Variants in MAN2A1 observed in about 807,000 individuals in gnomAD.
The protein encoded by MAN2A1 is alpha-mannosidase 2.
A neutral mutation model predicts 142.6 loss-of-function variants in MAN2A1; 76 were observed. The ratio of observed to expected loss-of-function variants is 0.53; its 90% CI spans 0.44 to 0.65. The LOEUF is 0.65. MAN2A1 is among the 30% of genes least tolerant of loss of function. MAN2A1 has a pLI of 0.00. For synonymous variants in MAN2A1, 559 were observed against 473.2 expected (o/e 1.18, Z -2.35); for missense variants, 1,311 against 1,365.1 (o/e 0.96, Z 0.62).
rs145416119 is a variant in MAN2A1, at chr5:109,758,503, C to T, written c.835+3047C>T. Among the ~76,000 whole-genome samples, 546 of 151,396 alleles carry T rather than the reference C, an allele frequency of 3.6e-3. 5 individuals are homozygous for T. The highest frequency in any genetic ancestry group is 0.013 in the African/African-American group (528 of 41,392). The stretch of plus-strand genomic sequence containing the variant: ...ACTTTCTTGAAGGTGTCTTTTAGTG[C>T]ACAAGTTTTAATTTTGAGGAAGTTT... On this transcript the variant is annotated intron_variant, in intron 5 of 21. Transcript: ENST00000261483.
At chr5:109,832,111 C>CA (rs1754922326) in intron 16 of MAN2A1, among the ~76,000 whole-genome samples, 1 of 142,626 alleles carries the variant, frequency 7.0e-6, no homozygotes, top group Non-Finnish European at 1.5e-5. Flanking sequence ...AATATCAGTG[C>CA]AAAGGAAAGT....
At chr5:109,749,340 T>C (rs2112618574) in intron 4 of MAN2A1, among the ~76,000 whole-genome samples, 1 of 152,250 alleles carries the variant, frequency 6.6e-6, no homozygotes, top group South Asian at 2.1e-4. Context: ...AATTCTGCAT[T>C]TTAGGTAAAA....
chr5:109,780,908 G>A (rs1447664053), intron 8 of MAN2A1, among the ~76,000 whole-genome samples: 1 of 152,092 alleles, frequency 6.6e-6, no homozygotes, highest in Non-Finnish European at 1.5e-5. Context: ...TCAACTGGGG[G>A]AAAACGGAGA....
Position 109,866,894 on chromosome 5 carries a change from C to A in MAN2A1, c.3331C>A (p.Pro1111Thr). ...CAAGTTTATTGTCGAAAGTCTCACACCTTCATCACTATCCTTGATGCATTC... is the reference window on the plus strand; with the variant it reads ...CAAGTTTATTGTCGAAAGTCTCACAACTTCATCACTATCCTTGATGCATTC... ...LNKFIVESLT[P>T]SSLSLMHSPP... is the part of the protein sequence containing the mutation. The change falls in exon 22 of 22, where the codon CCT becomes ACT. Residue 1111 changes from proline (P) to threonine (T), a missense_variant. Around this residue, in one of 3 missense-constraint regions of MAN2A1, gnomAD observed 890 missense variants for 920.5 expected, o/e 0.97. Coordinates refer to ENST00000261483, the MANE Select transcript of MAN2A1 (RefSeq NM_002372.4). 3 of 1,611,752 alleles carry A rather than the reference C, an allele frequency of 1.9e-6. No individual in the cohort carries two copies. Among genetic ancestry groups the A allele is most frequent in the African/African-American group, 1.3e-5 (1 of 74,956 alleles).
At chr5:109,833,900 T>C (rs1484791682) in intron 16 of MAN2A1, among the ~76,000 whole-genome samples, 2 of 152,176 alleles carry the variant, frequency 1.3e-5, no homozygotes, top group Non-Finnish European at 2.9e-5. Context: ...TTGGAAACCA[T>C]GTGTTTTGCA....
chr5:109,770,446 CT>C lies in MAN2A1; in HGVS notation c.1102del (p.Cys368AlafsTer37). 1 of 1,613,924 alleles carries C rather than the reference CT, an allele frequency of 6.2e-7. No individual in the cohort carries two copies. Among genetic ancestry groups the C allele is most frequent in the Non-Finnish European group, 8.5e-7 (1 of 1,179,838 alleles). On this transcript the variant is annotated frameshift_variant, in exon 7 of 22. Coordinates refer to ENST00000261483, the MANE Select transcript of MAN2A1 (RefSeq NM_002372.4). LOFTEE classifies it high-confidence loss of function. ...HTCGPDPKIC[C>X]QFDFKRLPGG... ...CTTGTGGACCTGATCCTAAAATATG[CT>C]GCCAGTTTGATTTTAAACGTCTTCC...
chr5:109,789,940 T>G (rs1486249583), intron 12 of MAN2A1, among the ~76,000 whole-genome samples: 1 of 151,864 alleles, frequency 6.6e-6, no homozygotes, highest in Non-Finnish European at 1.5e-5. Flanking sequence ...GTTTCTACTG[T>G]AAATTGTTTA....
chr5:109,825,734 GA>G (rs1457647680), intron 16 of MAN2A1, among the ~76,000 whole-genome samples: 2 of 151,990 alleles, frequency 1.3e-5, no homozygotes, highest in Admixed American at 6.6e-5. Context: ...TCTGGGCAGT[GA>G]ACTGTCCAGT....
At position 109,789,028 on chromosome 5, in the gene MAN2A1, C is replaced by T. The variant is rs749387912; in HGVS notation, c.1855C>T (p.Pro619Ser). ...CAAACTCACATACGACTCTTACTCT[C>T]CTGATACCTTCCTGGAGATGGTTAG... is the stretch of plus-strand genomic sequence containing the variant. ...KDKLTYDSYSPDTFLEMDLKQ... is the reference protein window; with the variant it reads ...KDKLTYDSYSSDTFLEMDLKQ... The change falls in exon 11 of 22, where the codon CCT becomes TCT. Residue 619 changes from proline (P) to serine (S), a missense_variant. Pro to Ser is a moderately conservative substitution (Grantham distance 74). Coordinates refer to ENST00000261483, the MANE Select transcript of MAN2A1 (RefSeq NM_002372.4). 3.8e-6 allele frequency: 6 copies of T among 1,578,390 alleles called. No homozygotes were observed. In the South Asian group the frequency reaches 6.8e-5, roughly 18 times the overall value.
chr5:109,715,894 G>T (rs1308535131), intron 2 of MAN2A1, among the ~76,000 whole-genome samples: 1 of 152,016 alleles, frequency 6.6e-6, no homozygotes, highest in Non-Finnish European at 1.5e-5. Flanking sequence ...ATTAGAAGCG[G>T]ATGGGAGGGA....
intron 10 of MAN2A1, among the ~76,000 whole-genome samples, chr5:109,787,028 C>T (rs952083076): frequency 6.6e-6 from 1 of 151,770 alleles, no homozygotes; most frequent in South Asian, 2.1e-4. Flanking sequence ...AACTGGAAAG[C>T]AAGAATACAT....
chr5:109,859,941 A>G (rs1038672733), intron 20 of MAN2A1, among the ~76,000 whole-genome samples: 1 of 150,554 alleles, frequency 6.6e-6, no homozygotes, highest in African/African-American at 2.5e-5. Context: ...TTATATAAAC[A>G]TGATATATAT....
intron 19 of MAN2A1, chr5:109,854,881 A>C (rs1755567206): frequency 3.4e-6 from 1 of 295,928 alleles, no homozygotes; most frequent in East Asian, 6.1e-5. Flanking sequence ...TTTGTAGGAA[A>C]TGTTTTCAGT....
intron 12 of MAN2A1, among the ~76,000 whole-genome samples, chr5:109,811,488 G>C (rs943578594): frequency 6.6e-6 from 1 of 151,594 alleles, no homozygotes; most frequent in African/African-American, 2.4e-5. Context: ...CATTTTCTGC[G>C]TATATTATAC....
At chr5:109,833,778 A>G (rs979837412) in intron 16 of MAN2A1, among the ~76,000 whole-genome samples, 20 of 152,208 alleles carry the variant, frequency 1.3e-4, no homozygotes, top group Admixed American at 3.3e-4. Flanking sequence ...GTTAGATGCC[A>G]TAAGCCACAG....
intron 12 of MAN2A1, among the ~76,000 whole-genome samples, chr5:109,790,789 GGT>G (rs1753718318): frequency 6.6e-6 from 1 of 151,846 alleles, no homozygotes; most frequent in South Asian, 2.1e-4. Context: ...TGTTTTTGCT[GGT>G]TATAAGAATA....
At chr5:109,827,938 T>C (rs1754799067) in intron 16 of MAN2A1, among the ~76,000 whole-genome samples, 1 of 152,052 alleles carries the variant, frequency 6.6e-6, no homozygotes, top group Admixed American at 6.6e-5. Flanking sequence ...ACCCCGTCTC[T>C]ACTAAAAATA....
intron 12 of MAN2A1, chr5:109,804,239 A>G: frequency 1.0e-6 from 1 of 987,474 alleles, no homozygotes; most frequent in African/African-American, 1.7e-5. Context: ...GGAGGGCTTC[A>G]AGCCCATCTT....
intron 17 of MAN2A1, among the ~76,000 whole-genome samples, chr5:109,844,207 A>G (rs1755289683): frequency 6.6e-6 from 1 of 152,220 alleles, no homozygotes; most frequent in African/African-American, 2.4e-5. Flanking sequence ...ATAACTAAAA[A>G]TGTGAATTTT....
Sources: allele counts gnomAD v4.1 joint callset (sites outside exome capture counted in the v4.1 genomes callset), GRCh38; gene constraint gnomAD v4.1.1; regional missense constraint gnomAD v4.1.1; transcripts MANE v1.5; gene names NCBI Gene and HGNC (gene_info 2026-07-23, HGNC 2026-07-21).